The following MCCC1 variants were observed in gnomAD, a reference collection of about 807,000 sequenced individuals.
MCCC1 encodes the protein methylcrotonyl-CoA carboxylase subunit 1, also known as methylcrotonoyl-CoA carboxylase subunit alpha, mitochondrial.
Under a neutral mutation model 83.8 loss-of-function variants are expected in MCCC1, and 64 were observed. The ratio of observed to expected loss-of-function variants is 0.76; its 90% CI spans 0.62 to 0.94. The LOEUF (loss-of-function observed/expected upper bound fraction) is 0.94, where lower values mean the gene tolerates loss of function less well. Among genes scored for constraint, MCCC1 ranks in the 40% least tolerant of loss-of-function variants. MCCC1 has a pLI of 0.00. For missense variants in MCCC1, 807 were observed against 904.7 expected, an observed-to-expected ratio of 0.89 and a Z score of 1.39; for synonymous variants, 322 against 315.4, an observed-to-expected ratio of 1.02 and a Z score of -0.22.
chr3:183,054,945 A>G (rs553220158), intron 8 of MCCC1, among the ~76,000 whole-genome samples: 2 of 152,230 alleles, frequency 1.3e-5, no homozygotes, highest in Non-Finnish European at 2.9e-5. Flanking sequence ...GGGCTCTACC[A>G]GCAGCCTAGG....
intron 4 of MCCC1, among the ~76,000 whole-genome samples, chr3:183,079,799 C>T (rs946772314): frequency 1.2e-4 from 19 of 152,220 alleles, no homozygotes; most frequent in Admixed American, 2.6e-4. Flanking sequence ...GCCTGGCATC[C>T]AGGAGTTTCC....
intron 16 of MCCC1, 125 bp from the exon 17 acceptor site, chr3:183,020,362 T>A: frequency 1.2e-6 from 1 of 822,438 alleles, no homozygotes; most frequent in Non-Finnish European, 2.0e-6. Flanking sequence ...CCAGGCCCAG[T>A]GGCTCACGAT....
At chr3:183,029,902 C>T (rs1253959610) in intron 14 of MCCC1, among the ~76,000 whole-genome samples, 1 of 152,102 alleles carries the variant, frequency 6.6e-6, no homozygotes, top group Non-Finnish European at 1.5e-5. Context: ...TGTTCCGACC[C>T]CATTCCAAAT....
chr3:183,020,971 A>T (rs1405763589), intron 16 of MCCC1, among the ~76,000 whole-genome samples: 1 of 151,902 alleles, frequency 6.6e-6, no homozygotes, highest in Non-Finnish European at 1.5e-5. Flanking sequence ...GAGGCAGGAG[A>T]ATGGAGTGAA....
intron 1 of MCCC1, chr3:183,098,521 G>GA (rs1310458926): frequency 6.6e-6 from 1 of 152,232 alleles, no homozygotes; most frequent in Non-Finnish European, 1.5e-5. Context: ...AGCTAACTAA[G>GA]ACCTCAGCCT....
chr3:183,072,603 G>T, intron 4 of MCCC1, 116 bp from the exon 5 acceptor site: 2 of 1,134,716 alleles, frequency 1.8e-6, no homozygotes, highest in Admixed American at 1.9e-5. Context: ...TAATAGTATG[G>T]TCTCTATTAA....
intron 10 of MCCC1, 77 bp from the exon 11 acceptor site, chr3:183,041,827 T>C: frequency 6.6e-7 from 1 of 1,509,716 alleles, no homozygotes; most frequent in Non-Finnish European, 9.2e-7. Flanking sequence ...GGTCTTGCTT[T>C]TTTTCTAGGT....
upstream of MCCC1, chr3:183,099,696 C>T (rs1277484103): frequency 1.7e-6 from 1 of 586,230 alleles, no homozygotes; most frequent in East Asian, 2.8e-5. Context: ...TTCTGCGTCC[C>T]CTGGGGCCTG....
upstream of MCCC1, among the ~76,000 whole-genome samples, chr3:183,103,771 A>G (rs904008374): frequency 6.6e-6 from 1 of 152,120 alleles, no homozygotes; most frequent in Non-Finnish European, 1.5e-5. Context: ...TGGGTGGTCG[A>G]TGGGACTGGG....
At chr3:183,100,178 T>C (rs1719072672), upstream of MCCC1, among the ~76,000 whole-genome samples, 5 of 152,262 alleles carry the variant, frequency 3.3e-5, no homozygotes, top group Admixed American at 1.3e-4. Context: ...AATGCACATT[T>C]GACATGATTT....
chr3:183,092,537 T>A lies in MCCC1; in HGVS notation c.145A>T (p.Ile49Phe), dbSNP rs539670122. Residue 49 changes from isoleucine to phenylalanine, a missense_variant, in exon 3 of 19, where the codon ATT becomes TTT. Coordinates refer to ENST00000265594, the MANE Select transcript of MCCC1 (RefSeq NM_020166.5). Reference sequence around the variant, plus strand: ...CTGTTTGCAATGAGGACCTTGGTAATGTTTCTTCCTGTTTAAAACACCATG... The same window carrying A: ...CTGTTTGCAATGAGGACCTTGGTAAAGTTTCTTCCTGTTTAAAACACCATG... ...MKYTTATGRNITKVLIANRGE... is the reference protein window; with the variant it reads ...MKYTTATGRNFTKVLIANRGE... 6.2e-7 allele frequency: 1 copy of A among 1,614,190 alleles called. No individual in the cohort carries two copies. Among genetic ancestry groups the A allele is most frequent in the South Asian group, 1.1e-5 (1 of 91,088 alleles).
rs1560281277 is a variant in MCCC1, at chr3:183,092,517, TG to T, written c.164del (p.Ala55GlufsTer10). 6.2e-7 allele frequency: 1 copy of T among 1,614,248 alleles called. No homozygotes were observed. The highest frequency in any genetic ancestry group is 1.1e-5 in the South Asian group (1 of 91,090). On this transcript the variant is annotated frameshift_variant, in exon 3 of 19. Coordinates refer to ENST00000265594, the MANE Select transcript of MCCC1 (RefSeq NM_020166.5). LOFTEE classifies it high-confidence loss of function. ...TGRNITKVLI[A>X]NRGEIACRVM... ...CCCTGCAGGCAATTTCTCCTCTGTT[TG>T]CAATGAGGACCTTGGTAATGTTTCT...
At chr3:183,017,457 C>A in intron 17 of MCCC1, 120 bp from the exon 18 acceptor site, 1 of 881,216 alleles carries the variant, frequency 1.1e-6, no homozygotes. Flanking sequence ...TGTTGCAAAC[C>A]ATGAATATAA....
At chr3:183,099,189 C>CCGA in intron 1 of MCCC1, 163 bp downstream of exon 1, 1 of 747,080 alleles carries the variant, frequency 1.3e-6, no homozygotes. Flanking sequence ...TGTCTTCCTC[C>CCGA]CGACGCCGTG....
At chr3:183,030,508 C>A (rs185700933) in intron 14 of MCCC1, among the ~76,000 whole-genome samples, 12 of 152,264 alleles carry the variant, frequency 7.9e-5, no homozygotes, top group African/African-American at 2.9e-4. Flanking sequence ...TTAATTTCTC[C>A]CTCCTCTGAA....
chr3:183,033,922 T>C, intron 14 of MCCC1, 69 bp downstream of exon 14: 1 of 1,228,282 alleles, frequency 8.1e-7, no homozygotes, highest in Non-Finnish European at 1.2e-6. Flanking sequence ...CAGGCTGGAA[T>C]CCTCTTTTTC....
chr3:183,041,925 A>G (rs1335580297), intron 10 of MCCC1, among the ~76,000 whole-genome samples, 175 bp from the exon 11 acceptor site: 4 of 152,242 alleles, frequency 2.6e-5, no homozygotes, highest in African/African-American at 9.6e-5. Flanking sequence ...CAAAAAATTA[A>G]AAAACAGATG....
At chr3:183,102,561 C>A (rs4859277), upstream of MCCC1, among the ~76,000 whole-genome samples, 1 of 151,918 alleles carries the variant, frequency 6.6e-6, no homozygotes, top group African/African-American at 2.4e-5. Flanking sequence ...AAAATCTGAC[C>A]TTCATTCTAG....
intron 14 of MCCC1, among the ~76,000 whole-genome samples, chr3:183,026,633 C>T (rs772944723): frequency 2.0e-5 from 3 of 152,140 alleles, no homozygotes; most frequent in Non-Finnish European, 4.4e-5. Context: ...TAGCTTGAAC[C>T]TGCGAGGTGG....
Sources: gnomAD v4.1 joint callset for allele counts (sites outside exome capture counted in the v4.1 genomes callset) on GRCh38, gnomAD v4.1.1 for gene constraint, MANE v1.5 for transcripts, NCBI Gene and HGNC (gene_info 2026-07-23, HGNC 2026-07-21) for gene names.